MN1: variants seen among roughly 807,000 people sequenced by gnomAD.
MN1 encodes the protein transcriptional activator MN1.
Under a neutral mutation model 86.9 loss-of-function variants are expected in MN1, and 19 were observed. The ratio of observed to expected loss-of-function variants is 0.22; its 90% CI spans 0.15 to 0.32. The LOEUF (loss-of-function observed/expected upper bound fraction) is 0.32. Ranked by LOEUF, MN1 falls within the 10% of genes least tolerant of loss-of-function variation. The probability of loss-of-function intolerance (pLI) is 1.00; values close to 1 mark genes in which losing one functional copy is unlikely to be tolerated. For synonymous variants in MN1, 928 were observed against 849.6 expected, an observed-to-expected ratio of 1.09 and a Z score of -1.60; for missense variants, 1,841 against 1,862.0, an observed-to-expected ratio of 0.99 and a Z score of 0.21.
At chr22:27,789,897 T>C (rs1176564469) in intron 1 of MN1, among the ~76,000 whole-genome samples, 4 of 152,192 alleles carry the variant, frequency 2.6e-5, no homozygotes, top group African/African-American at 9.6e-5. Context: ...GAATGACAAT[T>C]TGGGATGCTG....
intron 1 of MN1, among the ~76,000 whole-genome samples, chr22:27,762,698 G>A (rs570743626): frequency 6.6e-6 from 1 of 152,028 alleles, no homozygotes; most frequent in East Asian, 1.9e-4. Flanking sequence ...AGAAACTGGA[G>A]CAACTAAACA....
chr22:27,750,726 C>A lies in MN1; in HGVS notation c.*189G>T, dbSNP rs183597798. 1.3e-5 allele frequency: 6 copies of A among 449,080 alleles called. No homozygotes were observed. In the Admixed American group the frequency reaches 1.6e-4, roughly 12 times the overall value. The allele number at this position is 449,080 out of a possible 1,614,324, so 27.8% of individuals were successfully genotyped here. On this transcript the variant is annotated 3_prime_UTR_variant, in exon 2 of 2. Transcript: ENST00000302326. ...TTTAAAAAAACTTTTGAGGTTCCCC[C>A]CCTTTAAATTAACCCTTTCCGGTCC... is the stretch of plus-strand genomic sequence containing the variant.
At position 27,800,729 on chromosome 22, in the gene MN1, T is replaced by C; in HGVS notation, c.-186A>G. On this transcript the variant is annotated 5_prime_UTR_variant, in exon 1 of 2. Transcript: ENST00000302326. ...GGGGGCGGGGTATTAGCTCCTCTCC[T>C]GAAGCTCCGATTCTGCCCGGGGAGG... 6 of 669,490 alleles carry C rather than the reference T, an allele frequency of 9.0e-6. No individual in the cohort carries two copies. Among genetic ancestry groups the C allele is most frequent in the Non-Finnish European group, 1.5e-5 (6 of 400,150 alleles). The allele number at this position is 669,490 out of a possible 1,614,324, so 41.5% of individuals were successfully genotyped here.
At chr22:27,773,515 CT>C (rs1932938640) in intron 1 of MN1, among the ~76,000 whole-genome samples, 1 of 152,220 alleles carries the variant, frequency 6.6e-6, no homozygotes, top group Admixed American at 6.5e-5. Context: ...GCTCGCCGCA[CT>C]TAGTCCTCAC....
chr22:27,765,639 G>A (rs1932863907), intron 1 of MN1, among the ~76,000 whole-genome samples: 1 of 152,236 alleles, frequency 6.6e-6, no homozygotes, highest in South Asian at 2.1e-4. Flanking sequence ...AGCAGACAGT[G>A]ACCGGCCGGG....
At chr22:27,764,904 C>T (rs1601326602) in intron 1 of MN1, among the ~76,000 whole-genome samples, 1 of 152,160 alleles carries the variant, frequency 6.6e-6, no homozygotes, top group East Asian at 1.9e-4. Context: ...TGGCCCACTC[C>T]CTGTTTTTGT....
chr22:27,797,020 A>G lies in MN1; in HGVS notation c.3524T>C (p.Leu1175Pro), dbSNP rs1933308854. The G allele has an allele frequency of 6.2e-7, 1 of 1,612,800 alleles. No individual in the cohort carries two copies. The highest frequency in any genetic ancestry group is 8.5e-7 in the Non-Finnish European group (1 of 1,179,790). ...QQFSISEDQP[L>P]GLKGGKKGEC... ...ACCCTTCTTGCCACCCTTCAGCCCC[A>G]GAGGCTGGTCCTCGGAGATGCTGAA... Residue 1175 changes from leucine to proline, a missense_variant, in exon 1 of 2, where the codon CTG becomes CCG. Transcript: ENST00000302326.
Position 27,800,045 on chromosome 22 carries a change from G to C in MN1, c.499C>G (p.Pro167Ala). ...TCCGGGAGGTTCCCCGGTCGCTGCG[G>C]GCCGAAGCTCTCAGGCCCCTGGCTC... ...AESQGPESFG[P>A]QRPGNLPDFH... is the part of the protein sequence containing the mutation. The change falls in exon 1 of 2, where the codon CCG becomes GCG. Residue 167 changes from proline (P) to alanine (A), a missense_variant. Transcript: ENST00000302326. 1 of 1,602,270 alleles carries C rather than the reference G, an allele frequency of 6.2e-7. No homozygotes were observed. Among genetic ancestry groups the C allele is most frequent in the Non-Finnish European group, 8.5e-7 (1 of 1,179,262 alleles).
chr22:27,796,759 A>G lies in MN1; in HGVS notation c.3781+4T>C. 1 of 1,590,502 alleles carries G rather than the reference A, an allele frequency of 6.3e-7. No homozygotes were observed. Among genetic ancestry groups the G allele is most frequent in the Non-Finnish European group, 8.5e-7 (1 of 1,172,276 alleles). On this transcript the variant is annotated splice_donor_region_variant and intron_variant, in intron 1 of 1. Transcript: ENST00000302326. ...AAGTGAGAGGAAAACGAGTGTGCATATACCTTCTTTGCTGTTGGGGTTCTG... is the reference window on the plus strand; with the variant it reads ...AAGTGAGAGGAAAACGAGTGTGCATGTACCTTCTTTGCTGTTGGGGTTCTG...
chr22:27,799,073 A>G lies in MN1; in HGVS notation c.1471T>C (p.Tyr491His). 1 of 1,609,320 alleles carries G rather than the reference A, an allele frequency of 6.2e-7. No homozygotes were observed. Among genetic ancestry groups the G allele is most frequent in the African/African-American group, 1.3e-5 (1 of 74,948 alleles). The change falls in exon 1 of 2, where the codon TAC (tyrosine) becomes CAC (histidine). Residue 491 changes from tyrosine to histidine, a missense_variant. Coordinates refer to ENST00000302326, the MANE Select transcript of MN1 (RefSeq NM_002430.3). ...GTGAACTCGCCGGGTAGGCCTGGGT[A>G]GGCGGAAGGGGAGAGGTGATTATCC... ...ALDNHLSPSA[Y>H]PGLPGEFTPP...
At chr22:27,786,849 C>T (rs1032888637) in intron 1 of MN1, among the ~76,000 whole-genome samples, 8 of 152,056 alleles carry the variant, frequency 5.3e-5, no homozygotes, top group African/African-American at 1.7e-4. Flanking sequence ...TGCGCACACA[C>T]ACACACACAC....
chr22:27,795,026 G>T (rs1335275465), intron 1 of MN1, among the ~76,000 whole-genome samples: 2 of 136,910 alleles, frequency 1.5e-5, no homozygotes, highest in African/African-American at 5.4e-5. Context: ...GGGGTGGGGG[G>T]AGCAAGCAGG....
intron 1 of MN1, among the ~76,000 whole-genome samples, chr22:27,783,183 G>A (rs1002931617): frequency 6.7e-6 from 1 of 150,316 alleles, no homozygotes; most frequent in Non-Finnish European, 1.5e-5. Context: ...TGCCCAGGCT[G>A]GAGTGCAGTG....
At chr22:27,794,256 G>C (rs1933254521) in intron 1 of MN1, among the ~76,000 whole-genome samples, 1 of 152,214 alleles carries the variant, frequency 6.6e-6, no homozygotes, top group Non-Finnish European at 1.5e-5. Context: ...ATAATGAAAA[G>C]TTTAATCATC....
chr22:27,800,747 C>T lies in MN1; in HGVS notation c.-204G>A. The T allele has an allele frequency of 1.6e-6, 1 of 634,084 alleles. No homozygotes were observed. Among genetic ancestry groups the T allele is most frequent in the South Asian group, 2.0e-5 (1 of 51,192 alleles). The allele number at this position is 634,084 out of a possible 1,614,324, so 39.3% of individuals were successfully genotyped here. ...CCTCTCCTGAAGCTCCGATTCTGCC[C>T]GGGGAGGGCCTCTCACATCTTGCGA... On this transcript the variant is annotated 5_prime_UTR_variant, in exon 1 of 2. Transcript: ENST00000302326.
chr22:27,793,776 C>T (rs768696449), intron 1 of MN1, among the ~76,000 whole-genome samples: 8 of 152,292 alleles, frequency 5.3e-5, no homozygotes, highest in East Asian at 3.9e-4. Context: ...AATCTGGGCA[C>T]GTCCCAGTGG....
intron 1 of MN1, among the ~76,000 whole-genome samples, chr22:27,772,356 T>C (rs1458280410): frequency 6.6e-6 from 1 of 152,246 alleles, no homozygotes; most frequent in Non-Finnish European, 1.5e-5. Context: ...GGCTTCTACC[T>C]GGAAGCACTT....
intron 1 of MN1, chr22:27,791,848 T>C (rs1157395148): frequency 2.6e-5 from 4 of 152,118 alleles, no homozygotes; most frequent in Non-Finnish European, 4.4e-5. Flanking sequence ...GAGAAACGGG[T>C]CACAAGTGAT....
rs756233312 is a variant in MN1, at chr22:27,796,874, T to C, written c.3670A>G (p.Ser1224Gly). The part of the protein sequence containing the change: ...IDLDSLMAEH[S>G]AAWYMPADKA... ...TCAGCGGGCATGTACCAGGCAGCGC[T>C]GTGCTCTGCCATCAGCGAGTCCAGG... Residue 1224 changes from serine to glycine, a missense_variant, in exon 1 of 2, where the codon AGC (serine) becomes GGC (glycine). Physicochemically the swap from Ser to Gly is moderately conservative, Grantham distance 56. Transcript: ENST00000302326. 4 of 1,613,168 alleles carry C rather than the reference T, an allele frequency of 2.5e-6. No individual in the cohort carries two copies. Among genetic ancestry groups the C allele is most frequent in the Non-Finnish European group, 2.5e-6 (3 of 1,179,990 alleles).
Sources: allele counts gnomAD v4.1 joint callset (sites outside exome capture counted in the v4.1 genomes callset), GRCh38; gene constraint gnomAD v4.1.1; transcripts MANE v1.5; gene names NCBI Gene and HGNC (gene_info 2026-07-23, HGNC 2026-07-21).